Variants in SUMF1 observed in about 807,000 individuals in gnomAD.
SUMF1 encodes sulfatase modifying factor 1, also known as formylglycine-generating enzyme.
In SUMF1, 48 loss-of-function variants were observed where a neutral mutation model predicts 47.6. The ratio of observed to expected loss-of-function variants is 1.01; its 90% confidence interval spans 0.80 to 1.28. SUMF1 has a LOEUF of 1.28. SUMF1 is among the 50% of genes most tolerant of loss of function. The pLI, the probability that SUMF1 is intolerant of heterozygous loss-of-function variation, is 0.00. For synonymous variants in SUMF1, 230 were observed against 192.1 expected (o/e 1.20, Z -1.63); for missense variants, 571 against 485.4 (o/e 1.18, Z -1.66).
At chr3:4,367,129 T>TG (rs1173034898) in intron 8 of SUMF1, among the ~76,000 whole-genome samples, 15 of 151,852 alleles carry the variant, frequency 9.9e-5, no homozygotes, top group South Asian at 2.1e-4. Flanking sequence ...CTGCCCCTAC[T>TG]GGGGGGGTGC....
At chr3:4,388,378 A>T (rs1420242282) in intron 7 of SUMF1, among the ~76,000 whole-genome samples, 1 of 151,932 alleles carries the variant, frequency 6.6e-6, no homozygotes, top group African/African-American at 2.4e-5. Flanking sequence ...GAATATAGCC[A>T]CTCTGACTTT....
intron 8 of SUMF1, among the ~76,000 whole-genome samples, chr3:4,210,249 A>G (rs968491504): frequency 2.6e-5 from 4 of 152,180 alleles, no homozygotes; most frequent in Non-Finnish European, 4.4e-5. Flanking sequence ...CATAAATTCA[A>G]TGCAATCCAA....
intron 8 of SUMF1, among the ~76,000 whole-genome samples, chr3:4,252,142 A>G (rs1259959146): frequency 1.3e-5 from 2 of 152,164 alleles, no homozygotes; most frequent in Non-Finnish European, 2.9e-5. Context: ...GTAACACTGC[A>G]CAAATCAGCA....
rs141475677 is a variant in SUMF1, at chr3:4,278,436, A to AACT, written c.1014+97891_1014+97893dup. 2.9e-3 allele frequency among the ~76,000 whole-genome samples: 439 copies of AACT among 152,246 alleles called. 3 individuals are homozygous for AACT. Among genetic ancestry groups the AACT allele is most frequent in the African/African-American group, 0.01 (419 of 41,562 alleles). On this transcript the variant is annotated intron_variant and NMD_transcript_variant, in intron 8 of 12. Coordinates refer to the SUMF1 transcript ENST00000448413. ...TTTTAAAGGAGAAATTGTTAGAATT[A>AACT]ACTACTGATAAAAAATTGAAGATGA... is the stretch of plus-strand genomic sequence containing the variant.
At chr3:4,127,508 T>A (rs372476208) in intron 8 of SUMF1, among the ~76,000 whole-genome samples, 10 of 152,240 alleles carry the variant, frequency 6.6e-5, no homozygotes, top group African/African-American at 2.2e-4. Context: ...GAGACTAGCT[T>A]AGCCTCCCAG....
At chr3:4,131,999 G>A (rs1309875589) in intron 8 of SUMF1, among the ~76,000 whole-genome samples, 1 of 152,126 alleles carries the variant, frequency 6.6e-6, no homozygotes, top group Non-Finnish European at 1.5e-5. Context: ...TTTGCCAGGA[G>A]CAGAGACCAA....
chr3:4,077,736 C>T (rs928212592), intron 8 of SUMF1, among the ~76,000 whole-genome samples: 4 of 152,028 alleles, frequency 2.6e-5, no homozygotes, highest in African/African-American at 9.7e-5. Context: ...CGCAAACCAA[C>T]ATGGCACATG....
chr3:4,230,731 C>T (rs943231675), intron 8 of SUMF1, among the ~76,000 whole-genome samples: 5 of 152,180 alleles, frequency 3.3e-5, no homozygotes, highest in African/African-American at 9.6e-5. Context: ...ATCCTCTAAT[C>T]GTGCCTTCGT....
At chr3:4,165,872 C>T (rs914197750) in intron 8 of SUMF1, among the ~76,000 whole-genome samples, 1 of 140,854 alleles carries the variant, frequency 7.1e-6, no homozygotes, top group African/African-American at 2.6e-5. Flanking sequence ...TCCCCCCCCC[C>T]CCCGAGCAAG....
rs1174221017 is a variant in SUMF1 at position 4,393,421 on chromosome 3, C to T, written c.955-17032G>A. 4.6e-5 allele frequency among the ~76,000 whole-genome samples: 7 copies of T among 152,318 alleles called. No individual in the cohort carries two copies. In the South Asian group the frequency reaches 1.5e-3, roughly 32 times the overall value. On this transcript the variant is annotated intron_variant, in intron 7 of 8. Coordinates refer to ENST00000272902, the MANE Select transcript of SUMF1 (RefSeq NM_182760.4). ...AATCATAGCTCACCATAGCCTCGAC[C>T]TCCTGGGGTCAAGTGATCCTCCCAT...
intron 8 of SUMF1, among the ~76,000 whole-genome samples, chr3:4,136,437 G>C (rs1416171190): frequency 1.3e-5 from 2 of 151,278 alleles, no homozygotes; most frequent in African/African-American, 4.9e-5. Context: ...GCTGAAACTG[G>C]ATCCCTTCCT....
At chr3:4,201,563 T>C (rs778377278) in intron 8 of SUMF1, among the ~76,000 whole-genome samples, 19 of 152,162 alleles carry the variant, frequency 1.2e-4, no homozygotes, top group Admixed American at 5.2e-4. Context: ...AACAGGTTGA[T>C]TGCAAATATT....
At chr3:4,158,626 C>G (rs1450327231) in intron 8 of SUMF1, among the ~76,000 whole-genome samples, 1 of 151,466 alleles carries the variant, frequency 6.6e-6, no homozygotes, top group South Asian at 2.1e-4. Context: ...CTCAGACTCA[C>G]AGATAGATAT....
intron 8 of SUMF1, among the ~76,000 whole-genome samples, chr3:4,145,239 A>C (rs1179764145): frequency 6.6e-6 from 1 of 151,706 alleles, no homozygotes; most frequent in Non-Finnish European, 1.5e-5. Context: ...CATGCATGTA[A>C]TACCTGAATC....
chr3:4,127,619 T>G (rs951858411), intron 8 of SUMF1, among the ~76,000 whole-genome samples: 1 of 152,158 alleles, frequency 6.6e-6, no homozygotes, highest in African/African-American at 2.4e-5. Context: ...CTCCTCAGCC[T>G]GCAGACAGCC....
intron 8 of SUMF1, among the ~76,000 whole-genome samples, chr3:4,368,942 C>G (rs80178136): frequency 6.3e-4 from 96 of 152,210 alleles, no homozygotes; most frequent in African/African-American, 2.3e-3. Context: ...CAAGTCCCTG[C>G]AAACTGGTTA....
chr3:4,258,567 C>G (rs1697011562), intron 8 of SUMF1, among the ~76,000 whole-genome samples: 1 of 151,998 alleles, frequency 6.6e-6, no homozygotes, highest in African/African-American at 2.4e-5. Flanking sequence ...TATGAGATAC[C>G]ATCTCACACC....
chr3:4,152,895 C>T (rs1376299109), intron 8 of SUMF1, among the ~76,000 whole-genome samples: 1 of 151,446 alleles, frequency 6.6e-6, no homozygotes, highest in African/African-American at 2.5e-5. Context: ...TTTCAGAATA[C>T]CTTATACATC....
chr3:4,221,414 GGTGTGTGT>G (rs113359661), intron 8 of SUMF1, among the ~76,000 whole-genome samples: 28,273 of 148,102 alleles, frequency 0.19, 3,577 homozygotes, highest in African/African-American at 0.35. Flanking sequence ...GGTTTTTTGG[GGTGTGTGT>G]GTGTGTGTGT....
Sources: gnomAD v4.1 joint callset for allele counts (sites outside exome capture counted in the v4.1 genomes callset) on GRCh38, gnomAD v4.1.1 for gene constraint, MANE v1.5 for transcripts, NCBI Gene and HGNC (gene_info 2026-07-23, HGNC 2026-07-21) for gene names.